Variants in SDK1 observed in about 807,000 individuals in gnomAD.
SDK1 encodes the protein sidekick cell adhesion molecule 1, also known as protein sidekick-1.
Under a neutral mutation model 245.5 loss-of-function variants are expected in SDK1, and 157 were observed. The ratio of observed to expected loss-of-function variants is 0.64; its 90% CI spans 0.56 to 0.73. SDK1 has a LOEUF of 0.73. Ranked by LOEUF, SDK1 falls within the 30% of genes least tolerant of loss-of-function variation. The pLI, the probability that SDK1 is intolerant of heterozygous loss-of-function variation, is 0.00. For missense variants in SDK1, 3,583 were observed against 3,002.3 expected, an observed-to-expected ratio of 1.19 and a Z score of -4.52; for synonymous variants, 1,647 against 1,278.5, an observed-to-expected ratio of 1.29 and a Z score of -6.15.
chr7:3,346,662 GTTTC>G (rs1246522722), intron 1 of SDK1, among the ~76,000 whole-genome samples: 3 of 92,566 alleles, frequency 3.2e-5, no homozygotes, highest in Non-Finnish European at 6.2e-5. Context: ...GGCTAATTTA[GTTTC>G]TTTTTTTTTT....
At chr7:3,730,809 C>G (rs958501635) in intron 4 of SDK1, among the ~76,000 whole-genome samples, 6 of 152,136 alleles carry the variant, frequency 3.9e-5, no homozygotes, top group African/African-American at 1.4e-4. Flanking sequence ...ACATATAACC[C>G]TCTCTTTGGC....
intron 1 of SDK1, among the ~76,000 whole-genome samples, chr7:3,554,236 C>A (rs1185500307): frequency 6.6e-6 from 1 of 152,176 alleles, no homozygotes; most frequent in African/African-American, 2.4e-5. Context: ...CAACCAAACT[C>A]ATGCGGAGTG....
At chr7:3,448,647 G>C (rs959381837) in intron 1 of SDK1, among the ~76,000 whole-genome samples, 5 of 152,014 alleles carry the variant, frequency 3.3e-5, no homozygotes, top group African/African-American at 1.2e-4. Context: ...TGAGATATGT[G>C]AGTCAAGCTT....
intron 1 of SDK1, among the ~76,000 whole-genome samples, chr7:3,339,081 A>G (rs2128553642): frequency 6.6e-6 from 1 of 152,330 alleles, no homozygotes; most frequent in African/African-American, 2.4e-5. Flanking sequence ...AACCAATGAC[A>G]CAGGTAGGTT....
intron 1 of SDK1, among the ~76,000 whole-genome samples, chr7:3,342,082 T>TA (rs907233076): frequency 9.9e-5 from 15 of 152,222 alleles, no homozygotes; most frequent in Admixed American, 2.6e-4. Flanking sequence ...AACAGAGAAC[T>TA]AAAAAAATAC....
intron 26 of SDK1, 57 bp downstream of exon 26, chr7:4,127,553 G>C (rs1337125128): frequency 7.8e-7 from 1 of 1,277,832 alleles, no homozygotes; most frequent in Non-Finnish European, 1.1e-6. Context: ...GGAAATGGGA[G>C]CATGTGCTAT....
chr7:3,352,004 T>G lies in SDK1; in HGVS notation c.298+50120T>G, dbSNP rs182316141. On this transcript the variant is annotated intron_variant, in intron 1 of 44. Transcript: ENST00000404826. ...AAAGCAAGTATTGATAAATTTCAAA[T>G]GATTGAAATCATGTAGAGTATTTTT... 1.7e-4 allele frequency among the ~76,000 whole-genome samples: 26 copies of G among 152,074 alleles called. 1 individual carries two copies. In the East Asian group the frequency reaches 4.8e-3, roughly 28 times the overall value.
intron 1 of SDK1, among the ~76,000 whole-genome samples, chr7:3,351,287 A>G (rs1780653201): frequency 1.3e-5 from 2 of 152,212 alleles, no homozygotes; most frequent in African/African-American, 4.8e-5. Context: ...AGACATATAA[A>G]TAATAAAAAT....
chr7:4,030,343 T>C (rs543474400), intron 17 of SDK1, among the ~76,000 whole-genome samples: 41 of 152,244 alleles, frequency 2.7e-4, no homozygotes, highest in Non-Finnish European at 5.1e-4. Context: ...GGGGAACCAA[T>C]GGGCAGAAGT....
chr7:3,821,568 C>G lies in SDK1; in HGVS notation c.832C>G (p.His278Asp). The G allele has an allele frequency of 6.2e-7, 1 of 1,613,328 alleles. No individual in the cohort carries two copies. Residue 278 changes from histidine to aspartate, a missense_variant, in exon 5 of 45, where the codon CAT (histidine) becomes GAT (aspartate). By Grantham distance (81) the His-to-Asp change is moderately conservative. Transcript: ENST00000404826. ...NGENKTSPFI[H>D]LSIARDVGTP... ...AGAAAACAAGACAAGCCCATTCATT[C>G]ATTTGAGCATAGCAAGTGAGTTTTG...
intron 43 of SDK1, among the ~76,000 whole-genome samples, chr7:4,242,146 A>G (rs1479167650): frequency 6.6e-6 from 1 of 152,078 alleles, no homozygotes; most frequent in African/African-American, 2.4e-5. Context: ...ATTTAGAAAG[A>G]GGGTCTCAGG....
At chr7:3,793,689 G>T (rs1376298503) in intron 4 of SDK1, among the ~76,000 whole-genome samples, 3 of 152,104 alleles carry the variant, frequency 2.0e-5, no homozygotes, top group Admixed American at 6.5e-5. Flanking sequence ...GCCACTTACT[G>T]AGCTGTTGGA....
At chr7:3,410,503 G>C (rs540059823) in intron 1 of SDK1, among the ~76,000 whole-genome samples, 5 of 151,894 alleles carry the variant, frequency 3.3e-5, no homozygotes, top group African/African-American at 1.2e-4. Flanking sequence ...TCTTATATGG[G>C]GGAAGCTGTG....
chr7:3,585,126 A>C (rs957678276), intron 1 of SDK1, among the ~76,000 whole-genome samples: 1 of 152,158 alleles, frequency 6.6e-6, no homozygotes, highest in African/African-American at 2.4e-5. Flanking sequence ...GAAATAAAAC[A>C]TCAGCATGTA....
chr7:3,488,075 G>A (rs971929162), intron 1 of SDK1, among the ~76,000 whole-genome samples: 1 of 152,084 alleles, frequency 6.6e-6, no homozygotes, highest in Non-Finnish European at 1.5e-5. Context: ...AAGTCTCTTG[G>A]TCTAATTTTT....
chr7:4,127,497 G>A lies in SDK1; in HGVS notation c.3939+1G>A. On this transcript the variant is annotated splice_donor_variant, in intron 26 of 44. Transcript: ENST00000404826. LOFTEE classifies it high-confidence loss of function. ...GAATGGGCTCATACTGGGCTACAAG[G>A]TGTGTGATCACAGGATGACCTCCCT... is the stretch of plus-strand genomic sequence containing the variant. 6.2e-7 allele frequency: 1 copy of A among 1,606,864 alleles called. No individual in the cohort carries two copies. Among genetic ancestry groups the A allele is most frequent in the African/African-American group, 1.3e-5 (1 of 74,918 alleles).
intron 4 of SDK1, among the ~76,000 whole-genome samples, chr7:3,792,413 C>T (rs185124229): frequency 2.0e-5 from 3 of 152,344 alleles, no homozygotes; most frequent in East Asian, 1.9e-4. Flanking sequence ...CTAAGATCTA[C>T]GTTCTTGAGG....
chr7:3,660,611 AAC>A (rs1198319747), intron 4 of SDK1, among the ~76,000 whole-genome samples: 8 of 152,296 alleles, frequency 5.3e-5, no homozygotes, highest in African/African-American at 1.9e-4. Context: ...GCCCCAACAT[AAC>A]CATAAATTAG....
intron 1 of SDK1, among the ~76,000 whole-genome samples, chr7:3,532,505 G>A (rs868810734): frequency 6.6e-6 from 1 of 152,170 alleles, no homozygotes; most frequent in Admixed American, 6.5e-5. Context: ...AGCCCTGAGA[G>A]TATCATGGGA....
Sources: allele counts gnomAD v4.1 joint callset (sites outside exome capture counted in the v4.1 genomes callset), GRCh38; gene constraint gnomAD v4.1.1; transcripts MANE v1.5; gene names NCBI Gene and HGNC (gene_info 2026-07-23, HGNC 2026-07-21).